SEZ6L: variants seen among roughly 807,000 people sequenced by gnomAD.
SEZ6L encodes seizure related 6 homolog like.
Under a neutral mutation model 106.2 loss-of-function variants are expected in SEZ6L, and 37 were observed. The ratio of observed to expected loss-of-function variants is 0.35; its 90% confidence interval spans 0.27 to 0.46. The LOEUF is 0.46. Ranked by LOEUF, SEZ6L falls within the 20% of genes least tolerant of loss-of-function variation. The probability of loss-of-function intolerance (pLI) is 1.00; values close to 1 mark genes in which losing one functional copy is unlikely to be tolerated. For synonymous variants in SEZ6L, 541 were observed against 570.4 expected (o/e 0.95, Z 0.73); for missense variants, 1,172 against 1,332.8 (o/e 0.88, Z 1.88).
chr22:26,337,223 C>G (rs546528651), intron 9 of SEZ6L, among the ~76,000 whole-genome samples: 117 of 152,284 alleles, frequency 7.7e-4, no homozygotes, highest in African/African-American at 2.5e-3. Flanking sequence ...GATTTCCAAG[C>G]CAGTGTGCTC....
Position 26,286,157 on chromosome 22 carries a change from G to A in SEZ6L, c.95-6249G>A, listed in dbSNP as rs142631896. Among the ~76,000 whole-genome samples the A allele has an allele frequency of 2.5e-3, 383 of 152,318 alleles. 13 individuals carry two copies. In the East Asian group the frequency reaches 0.037, roughly 15 times the overall value. ...AGTACATCCATTGATTCACCTGTCA[G>A]TCCTGCGTCCTAAAGGTAGTTACTG... On this transcript the variant is annotated intron_variant, in intron 1 of 16. Transcript: ENST00000248933.
chr22:26,377,587 G>A (rs1270422664), intron 15 of SEZ6L, 86 bp from the exon 16 acceptor site: 6 of 1,084,504 alleles, frequency 5.5e-6, no homozygotes, highest in Admixed American at 1.7e-5. Flanking sequence ...CGCTGCTCAG[G>A]AAGTGGCACC....
At chr22:26,351,438 G>A (rs566055763) in intron 12 of SEZ6L, 195 bp downstream of exon 12, 13 of 508,236 alleles carry the variant, frequency 2.6e-5, no homozygotes, top group Admixed American at 1.1e-4. Flanking sequence ...AATTTATCAC[G>A]CGTTGCTCTA....
chr22:26,277,704 C>A (rs2080598508), intron 1 of SEZ6L, among the ~76,000 whole-genome samples: 1 of 152,194 alleles, frequency 6.6e-6, no homozygotes, highest in Admixed American at 6.5e-5. Flanking sequence ...GTTCTCAGCA[C>A]TGCAGGCACA....
intron 9 of SEZ6L, among the ~76,000 whole-genome samples, chr22:26,319,820 A>T (rs757198812): frequency 6.6e-6 from 1 of 152,236 alleles, no homozygotes; most frequent in African/African-American, 2.4e-5. Context: ...TGCATGGCCC[A>T]TAGTAGGTGC....
At chr22:26,181,114 T>A (rs569686619) in intron 1 of SEZ6L, among the ~76,000 whole-genome samples, 35 of 152,222 alleles carry the variant, frequency 2.3e-4, no homozygotes, top group African/African-American at 8.0e-4. Context: ...GAGAATGCAA[T>A]GCATGTCACT....
intron 12 of SEZ6L, among the ~76,000 whole-genome samples, chr22:26,362,028 TA>T (rs5844690): frequency 6.6e-6 from 1 of 150,456 alleles, no homozygotes; most frequent in African/African-American, 2.4e-5. Flanking sequence ...CACCCTGCAT[TA>T]AAAAAAAATA....
chr22:26,258,087 C>G lies in SEZ6L; in HGVS notation c.95-34319C>G, dbSNP rs5761454. 5.9e-5 allele frequency among the ~76,000 whole-genome samples: 9 copies of G among 152,118 alleles called. No homozygotes were observed. The South Asian group carries it at 1.2e-3, about 21-fold the overall frequency. ...TCATCTCCAATTCATTCTAACTAAA[C>G]AGTCTTTTGTGAGCATCCGCTCTGC... On this transcript the variant is annotated intron_variant, in intron 1 of 16. Transcript: ENST00000248933.
In SEZ6L at chr22:26,281,154, TA is replaced by T. The variant is rs1275505490; in HGVS notation, c.95-11250del. On this transcript the variant is annotated intron_variant, in intron 1 of 16. Transcript: ENST00000248933. ...ACAAATGGATTAACTACTCCTGAAT[TA>T]ATGGATTAATGGATTAATGGGTTAT... is the stretch of plus-strand genomic sequence containing the variant. Among the ~76,000 whole-genome samples, 16 of 143,206 alleles carry T rather than the reference TA, an allele frequency of 1.1e-4. No homozygotes were observed. The East Asian group carries it at 3.2e-3, about 29-fold the overall frequency. The allele number at this position is 143,206 out of a possible 152,430, so 93.9% of individuals were successfully genotyped here.
chr22:26,282,090 ATC>A (rs1374080947), intron 1 of SEZ6L, among the ~76,000 whole-genome samples: 5 of 152,236 alleles, frequency 3.3e-5, no homozygotes, highest in Admixed American at 2.0e-4. Context: ...ATGGGCAAAC[ATC>A]TCTCTGTAGG....
intron 1 of SEZ6L, among the ~76,000 whole-genome samples, chr22:26,284,681 G>A (rs10854790): frequency 1.4e-5 from 2 of 147,124 alleles, no homozygotes; most frequent in Non-Finnish European, 3.0e-5. Flanking sequence ...ATACCCTGTA[G>A]AAAGCAGGAT....
intron 14 of SEZ6L, among the ~76,000 whole-genome samples, chr22:26,374,104 G>T (rs867348515): frequency 1.3e-5 from 2 of 151,836 alleles, no homozygotes; most frequent in African/African-American, 4.8e-5. Context: ...AATGTCCAGC[G>T]TTCTATGTCA....
At chr22:26,259,537 A>G (rs1336158752) in intron 1 of SEZ6L, among the ~76,000 whole-genome samples, 1 of 152,174 alleles carries the variant, frequency 6.6e-6, no homozygotes, top group East Asian at 1.9e-4. Context: ...CAAATATTGA[A>G]ACAACAGGAA....
chr22:26,175,433 G>GT (rs893678406), intron 1 of SEZ6L, among the ~76,000 whole-genome samples: 1 of 152,112 alleles, frequency 6.6e-6, no homozygotes, highest in Non-Finnish European at 1.5e-5. Context: ...TAAATCCTTG[G>GT]TGCCTTCCAA....
chr22:26,191,324 T>C (rs1484241760), intron 1 of SEZ6L, among the ~76,000 whole-genome samples: 1 of 152,056 alleles, frequency 6.6e-6, no homozygotes, highest in Non-Finnish European at 1.5e-5. Flanking sequence ...AGCAAAGACA[T>C]GGAATCAACC....
intron 1 of SEZ6L, among the ~76,000 whole-genome samples, chr22:26,231,106 G>A (rs1367134398): frequency 6.6e-6 from 1 of 152,230 alleles, no homozygotes. Flanking sequence ...GGCGCAAGAG[G>A]TATTGCTCCC....
intron 13 of SEZ6L, 93 bp from the exon 14 acceptor site, chr22:26,373,358 C>A: frequency 9.5e-7 from 1 of 1,054,604 alleles, no homozygotes. Context: ...CAAAGCATGG[C>A]ATGGGCTTTT....
At chr22:26,333,197 G>C (rs1335308609) in intron 9 of SEZ6L, among the ~76,000 whole-genome samples, 1 of 152,224 alleles carries the variant, frequency 6.6e-6, no homozygotes, top group African/African-American at 2.4e-5. Flanking sequence ...TGTGCCCAGA[G>C]CAGGGTCAAG....
At chr22:26,353,776 G>A (rs1473770699) in intron 12 of SEZ6L, among the ~76,000 whole-genome samples, 1 of 152,012 alleles carries the variant, frequency 6.6e-6, no homozygotes, top group East Asian at 1.9e-4. Context: ...ATTGGACCTA[G>A]CGTCTTTGAC....
Sources: allele counts gnomAD v4.1 joint callset (sites outside exome capture counted in the v4.1 genomes callset), GRCh38; gene constraint gnomAD v4.1.1; transcripts MANE v1.5; gene names NCBI Gene and HGNC (gene_info 2026-07-23, HGNC 2026-07-21).